PTPRS: variants seen among roughly 807,000 people sequenced by gnomAD.
PTPRS encodes the protein protein tyrosine phosphatase receptor type S.
PTPRS carries 63 observed loss-of-function variants against 215.3 expected under a neutral mutation model. That is an observed-to-expected ratio of 0.29 (90% confidence interval 0.24 to 0.36). The LOEUF (loss-of-function observed/expected upper bound fraction) is 0.36. PTPRS is among the 10% of genes least tolerant of loss of function. The pLI, the probability that PTPRS is intolerant of heterozygous loss-of-function variation, is 1.00. For missense variants in PTPRS, 2,258 were observed against 2,825.8 expected (o/e 0.80, Z 4.56); for synonymous variants, 1,404 against 1,191.4 (o/e 1.18, Z -3.68).
At chr19:5,234,357 T>C (rs2043262756) in intron 13 of PTPRS, among the ~76,000 whole-genome samples, 1 of 151,966 alleles carries the variant, frequency 6.6e-6, no homozygotes, top group African/African-American at 2.4e-5. Context: ...AAAGTGCCTG[T>C]TTATTGGACA....
rs777445829 is a variant in PTPRS, at chr19:5,215,546, C to T, written c.4146G>A (p.Thr1382=). ...GGCTGTCGTTGGCCTTGAGCCGCTC[C>T]GTGTGCTCCGCCATGTCTGCGATGG... ...PIPIADMAEH[T]ERLKANDSLK... is the part of the protein sequence containing the mutation. Residue 1382 remains threonine (T), a synonymous_variant, in exon 27 of 38, where the codon ACG becomes ACA. Coordinates refer to ENST00000262963, the MANE Select transcript of PTPRS (RefSeq NM_002850.4). The T allele has an allele frequency of 1.4e-5, 22 of 1,611,624 alleles. No homozygotes were observed. The highest frequency in any genetic ancestry group is 2.7e-5 in the African/African-American group (2 of 74,860).
rs201307222 is a variant in PTPRS at position 5,234,931 on chromosome 19, ATTTC to A, written c.1850-3320_1850-3317del. Among the ~76,000 whole-genome samples, 33 of 145,942 alleles carry A rather than the reference ATTTC, an allele frequency of 2.3e-4. 1 individual carries two copies. Among genetic ancestry groups the A allele is most frequent in the Admixed American group, 2.7e-4 (4 of 14,864 alleles). ...GCCTTACGGAATGTTAATAGTTTTCATTTCTTTCTTTCTTTTTTTTTTTTTTTTT... is the reference window on the plus strand; with the variant it reads ...GCCTTACGGAATGTTAATAGTTTTCATTTCTTTCTTTTTTTTTTTTTTTTT... On this transcript the variant is annotated intron_variant, in intron 13 of 37. Transcript: ENST00000262963.
chr19:5,238,930 G>C lies in PTPRS; in HGVS notation c.1838C>G (p.Thr613Arg). The C allele has an allele frequency of 6.2e-7, 1 of 1,607,102 alleles. No individual in the cohort carries two copies. ...CGCGAGACACCTACTGGACTGCAGC[G>C]TGCGCTGCCGCACCACGGGGGTGAA... The part of the protein sequence containing the change: ...GAFTPVVRQR[T>R]LQSKPSAPPQ... Residue 613 changes from threonine to arginine, a missense_variant, in exon 13 of 38, where the codon ACG becomes AGG. Around this residue, in one of 6 missense-constraint regions of PTPRS, gnomAD observed 371 missense variants for 446.7 expected, o/e 0.83. Coordinates refer to ENST00000262963, the MANE Select transcript of PTPRS (RefSeq NM_002850.4).
intron 1 of PTPRS, among the ~76,000 whole-genome samples, chr19:5,331,937 G>A (rs2050340191): frequency 6.6e-6 from 1 of 152,164 alleles, no homozygotes; most frequent in South Asian, 2.1e-4. Context: ...TGCCTCTAAA[G>A]AACCGCAGAG....
intron 1 of PTPRS, among the ~76,000 whole-genome samples, chr19:5,333,888 C>T (rs1288649851): frequency 2.6e-5 from 4 of 152,196 alleles, no homozygotes; most frequent in Non-Finnish European, 2.9e-5. Flanking sequence ...CATGCATGCT[C>T]GCTCGCACAC....
intron 18 of PTPRS, among the ~76,000 whole-genome samples, 175 bp downstream of exon 18, chr19:5,222,514 C>G (rs375084140): frequency 6.6e-6 from 1 of 151,614 alleles, no homozygotes; most frequent in Non-Finnish European, 1.5e-5. Context: ...GTGGTGCCAC[C>G]GAGGCACGTC....
intron 16 of PTPRS, among the ~76,000 whole-genome samples, chr19:5,229,109 C>T (rs1367538374): frequency 1.3e-5 from 2 of 152,228 alleles, no homozygotes; most frequent in Non-Finnish European, 2.9e-5. Context: ...CCCCCTGGGG[C>T]GCACAGTGGT....
chr19:5,260,714 G>A (rs2146297733), intron 7 of PTPRS, 91 bp downstream of exon 7: 4 of 1,486,546 alleles, frequency 2.7e-6, no homozygotes, highest in East Asian at 2.3e-5. Context: ...ACGCATGGAA[G>A]GGGGCCTGGG....
intron 17 of PTPRS, among the ~76,000 whole-genome samples, chr19:5,224,523 G>A (rs79253058): frequency 0.04 from 6,055 of 152,244 alleles, 399 homozygotes; most frequent in African/African-American, 0.14. Context: ...TCAATGTGCC[G>A]AGAGAGGTTC....
In PTPRS at chr19:5,225,811, C is replaced by A; in HGVS notation, c.2410G>T (p.Ala804Ser). Reference sequence around the variant, plus strand: ...TAGGCGGCTACCGTGATGGAGTACGCGGTCTCAGGCTGCAAGTTTGTGATG... The same window carrying A: ...TAGGCGGCTACCGTGATGGAGTACGAGGTCTCAGGCTGCAAGTTTGTGATG... Reference protein sequence around the residue: ...MVITNLQPETAYSITVAAYTM... With the variant: ...MVITNLQPETSYSITVAAYTM... Residue 804 changes from alanine to serine, a missense_variant, in exon 17 of 38, where the codon GCG becomes TCG. Physicochemically the swap from Ala to Ser is moderately conservative, Grantham distance 99. Coordinates refer to ENST00000262963, the MANE Select transcript of PTPRS (RefSeq NM_002850.4). The A allele has an allele frequency of 6.2e-7, 1 of 1,613,964 alleles. No homozygotes were observed. Among genetic ancestry groups the A allele is most frequent in the Non-Finnish European group, 8.5e-7 (1 of 1,179,958 alleles).
At chr19:5,271,694 A>G (rs1476323500) in intron 4 of PTPRS, among the ~76,000 whole-genome samples, 2 of 147,602 alleles carry the variant, frequency 1.4e-5, no homozygotes, top group Admixed American at 6.9e-5. Context: ...TACCGCGCCC[A>G]GCCATTTCAT....
chr19:5,229,701 G>T lies in PTPRS; in HGVS notation c.2156-17C>A. The T allele has an allele frequency of 1.7e-6, 2 of 1,174,892 alleles. No individual in the cohort carries two copies. The highest frequency in any genetic ancestry group is 1.1e-6 in the Non-Finnish European group (1 of 931,460). 72.8% of individuals were successfully genotyped at this position (1,174,892 alleles called of 1,614,324 possible). On this transcript the variant is annotated splice_polypyrimidine_tract_variant and intron_variant, in intron 14 of 37. Coordinates refer to ENST00000262963, the MANE Select transcript of PTPRS (RefSeq NM_002850.4). ...CGCTGGGCACTGGCGGGCGGGAGGG[G>T]AGGGGAGGGGCGGGCGGAGCCGTTA... is the stretch of plus-strand genomic sequence containing the variant.
At chr19:5,270,832 T>C (rs960927252) in intron 4 of PTPRS, among the ~76,000 whole-genome samples, 12 of 151,936 alleles carry the variant, frequency 7.9e-5, no homozygotes, top group African/African-American at 2.4e-4. Context: ...TTTAGTAGAT[T>C]TGGGGTTTCA....
chr19:5,214,302 C>T, intron 30 of PTPRS, 59 bp downstream of exon 30: 1 of 1,610,948 alleles, frequency 6.2e-7, no homozygotes, highest in Non-Finnish European at 8.5e-7. Flanking sequence ...CTGGGGCCCT[C>T]TGCCTCCCTT....
chr19:5,283,239 A>G (rs531085963), intron 2 of PTPRS, among the ~76,000 whole-genome samples: 152 of 152,178 alleles, frequency 1.0e-3, no homozygotes, highest in African/African-American at 2.7e-3. Flanking sequence ...TAGAGCAGAA[A>G]TTGTTCCCCT....
chr19:5,323,280 A>G (rs570503604), intron 1 of PTPRS, among the ~76,000 whole-genome samples: 4 of 152,308 alleles, frequency 2.6e-5, no homozygotes, highest in Admixed American at 2.0e-4. Flanking sequence ...AATTGCTTCA[A>G]TCCGGGAGGC....
At chr19:5,243,415 T>G (rs2044215936) in intron 11 of PTPRS, among the ~76,000 whole-genome samples, 1 of 151,620 alleles carries the variant, frequency 6.6e-6, no homozygotes, top group Admixed American at 6.6e-5. Context: ...GGGTTACAGG[T>G]GTGAGCCACC....
At chr19:5,274,718 G>A (rs1325891284) in intron 2 of PTPRS, among the ~76,000 whole-genome samples, 2 of 152,172 alleles carry the variant, frequency 1.3e-5, no homozygotes, top group Admixed American at 6.5e-5. Context: ...AGATGCTGGG[G>A]TCCCTAAATT....
Position 5,206,793 on chromosome 19 carries a change from A to C in PTPRS, c.5828T>G (p.Phe1943Cys), listed in dbSNP as rs2040397834. The change falls in exon 38 of 38, where the codon TTT becomes TGT. Residue 1943 changes from phenylalanine to cysteine, a missense_variant. Around this residue, in one of 6 missense-constraint regions of PTPRS, gnomAD observed 89 missense variants for 104.0 expected, o/e 0.86. Transcript: ENST00000262963. The part of the protein sequence containing the change: ...YQAALEYLGS[F>C]DHYAT ...ATGGCTTTAGGTTGCATAGTGGTCA[A>C]AGCTTCCGAGGTACTCCAGTGCCGC... 6.2e-7 allele frequency: 1 copy of C among 1,613,930 alleles called. No homozygotes were observed. The highest frequency in any genetic ancestry group is 8.5e-7 in the Non-Finnish European group (1 of 1,179,932).
Sources: allele counts gnomAD v4.1 joint callset (sites outside exome capture counted in the v4.1 genomes callset), GRCh38; gene constraint gnomAD v4.1.1; regional missense constraint gnomAD v4.1.1; transcripts MANE v1.5; gene names NCBI Gene and HGNC (gene_info 2026-07-23, HGNC 2026-07-21).